The following SLC8A1 variants were observed in gnomAD, a reference collection of about 807,000 sequenced individuals.
SLC8A1 encodes solute carrier family 8 member A1, also known as sodium/calcium exchanger 1.
Under a neutral mutation model 68.3 loss-of-function variants are expected in SLC8A1, and 18 were observed. The ratio of observed to expected loss-of-function variants is 0.26; its 90% CI spans 0.18 to 0.39. The LOEUF is 0.39. Among genes scored for constraint, SLC8A1 ranks in the 10% least tolerant of loss-of-function variants. SLC8A1 has a pLI of 1.00. For missense variants in SLC8A1, 985 were observed against 1,156.7 expected (o/e 0.85, Z 2.15); for synonymous variants, 475 against 415.5 (o/e 1.14, Z -1.74).
intron 2 of SLC8A1, among the ~76,000 whole-genome samples, chr2:40,365,925 G>T (rs72939976): frequency 2.0e-5 from 3 of 151,310 alleles, no homozygotes; most frequent in Non-Finnish European, 4.4e-5. Flanking sequence ...AAGCCCAGGA[G>T]TTCAAAGCTT....
intron 2 of SLC8A1, among the ~76,000 whole-genome samples, chr2:40,184,577 C>T (rs376535): frequency 0.83 from 126,669 of 152,076 alleles, 53,679 homozygotes; most frequent in Non-Finnish European, 0.9. Context: ...TCTGGCGATA[C>T]GTTTTTACAC....
At chr2:40,254,238 T>C (rs2063497081) in intron 2 of SLC8A1, among the ~76,000 whole-genome samples, 1 of 152,086 alleles carries the variant, frequency 6.6e-6, no homozygotes, top group Non-Finnish European at 1.5e-5. Context: ...AAATTAAAAA[T>C]AGAAATGAGA....
At chr2:40,503,411 A>C (rs1706169155) in intron 1 of SLC8A1, among the ~76,000 whole-genome samples, 1 of 151,986 alleles carries the variant, frequency 6.6e-6, no homozygotes. Context: ...TCACACAATT[A>C]CACTGGTGTA....
At chr2:40,280,857 G>A (rs2067413774) in intron 2 of SLC8A1, among the ~76,000 whole-genome samples, 1 of 152,182 alleles carries the variant, frequency 6.6e-6, no homozygotes, top group African/African-American at 2.4e-5. Context: ...TTGTGCAAAA[G>A]CAGAGGTGGG....
chr2:40,352,800 C>A (rs1671515653), intron 2 of SLC8A1, among the ~76,000 whole-genome samples: 1 of 152,136 alleles, frequency 6.6e-6, no homozygotes, highest in African/African-American at 2.4e-5. Flanking sequence ...AAGTTAACAC[C>A]AGGATTCCAC....
chr2:40,501,546 C>T (rs553140242), intron 1 of SLC8A1, among the ~76,000 whole-genome samples: 124 of 152,186 alleles, frequency 8.1e-4, no homozygotes, highest in Non-Finnish European at 1.4e-3. Flanking sequence ...ATGCAATCTA[C>T]CTTTCTTTGG....
chr2:40,220,333 C>G (rs141409519), intron 2 of SLC8A1: 2 of 152,112 alleles, frequency 1.3e-5, no homozygotes, highest in South Asian at 2.1e-4. Context: ...TGACTTGGCT[C>G]TTTCACCTCT....
At chr2:40,177,984 T>A in intron 2 of SLC8A1, 1 of 661,294 alleles carries the variant, frequency 1.5e-6, no homozygotes, top group Admixed American at 2.4e-5. Flanking sequence ...CCTCCTGAAG[T>A]ATGTAAAAGG....
intron 2 of SLC8A1, among the ~76,000 whole-genome samples, chr2:40,324,161 G>A (rs1330454338): frequency 2.0e-5 from 3 of 152,120 alleles, no homozygotes; most frequent in African/African-American, 7.2e-5. Context: ...AGAAATCCAC[G>A]AGATTGAAAT....
intron 2 of SLC8A1, among the ~76,000 whole-genome samples, chr2:40,226,010 C>CT (rs577231187): frequency 1.1e-4 from 16 of 152,220 alleles, no homozygotes; most frequent in African/African-American, 3.6e-4. Flanking sequence ...AAACAATACT[C>CT]TTTTTTCTGC....
intron 3 of SLC8A1, among the ~76,000 whole-genome samples, 187 bp from the exon 5 acceptor site, chr2:40,175,029 C>T (rs62148761): frequency 0.051 from 7,725 of 152,060 alleles, 496 homozygotes; most frequent in African/African-American, 0.15. Flanking sequence ...ATTTAATGCA[C>T]AAATTTAATT....
intron 2 of SLC8A1, among the ~76,000 whole-genome samples, chr2:40,247,735 G>C (rs982646502): frequency 2.0e-5 from 3 of 152,152 alleles, no homozygotes; most frequent in Non-Finnish European, 4.4e-5. Flanking sequence ...TAACTTACAA[G>C]AGGAAAGGGA....
chr2:40,442,456 C>A (rs569443917), intron 1 of SLC8A1, among the ~76,000 whole-genome samples: 1 of 148,296 alleles, frequency 6.7e-6, no homozygotes, highest in African/African-American at 2.5e-5. Context: ...TATGAACAGA[C>A]GCTTATCAAA....
intron 2 of SLC8A1, among the ~76,000 whole-genome samples, chr2:40,336,058 G>A (rs570060792): frequency 6.6e-6 from 1 of 152,296 alleles, no homozygotes; most frequent in African/African-American, 2.4e-5. Context: ...AGTTCCTTAT[G>A]ATGTCATGCC....
At chr2:40,146,352 C>G (rs1410206001) in intron 6 of SLC8A1, among the ~76,000 whole-genome samples, 1 of 152,098 alleles carries the variant, frequency 6.6e-6, no homozygotes, top group African/African-American at 2.4e-5. Flanking sequence ...TTGGGGAACT[C>G]ATAATCTCAC....
chr2:40,341,532 G>C (rs1001529091), intron 2 of SLC8A1, among the ~76,000 whole-genome samples: 28 of 152,102 alleles, frequency 1.8e-4, no homozygotes, highest in African/African-American at 6.5e-4. Context: ...TCTTTCCTTG[G>C]CCTATCTTCT....
exon 8 of SLC8A1, chr2:40,099,518 C>G (rs1011184253): frequency 1.3e-5 from 2 of 152,036 alleles, no homozygotes. Context: ...AAGGTAACAT[C>G]TTTTTCTCTG....
chr2:40,328,922 T>C (rs1177277517), intron 2 of SLC8A1, among the ~76,000 whole-genome samples: 1 of 152,086 alleles, frequency 6.6e-6, no homozygotes, highest in African/African-American at 2.4e-5. Context: ...GTAGATTATG[T>C]CACTTGTCTG....
rs570251271 is a variant in SLC8A1, at chr2:40,238,347, G to C, written c.1809-60492C>G. 5.7e-4 allele frequency among the ~76,000 whole-genome samples: 87 copies of C among 152,316 alleles called. 1 individual carries two copies. Among genetic ancestry groups the C allele is most frequent in the African/African-American group, 1.9e-3 (77 of 41,568 alleles). Reference sequence around the variant, plus strand: ...AGCCCGTTGGAAAAGCGCAGTATTCGGGTGGGAGTGACCCGATTTTCCAGG... The same window carrying C: ...AGCCCGTTGGAAAAGCGCAGTATTCCGGTGGGAGTGACCCGATTTTCCAGG... On this transcript the variant is annotated intron_variant, in intron 2 of 7. Coordinates refer to ENST00000406785, the Ensembl canonical transcript of SLC8A1.
Sources: allele counts gnomAD v4.1 joint callset (sites outside exome capture counted in the v4.1 genomes callset), GRCh38; gene constraint gnomAD v4.1.1; transcripts MANE v1.5; gene names NCBI Gene and HGNC (gene_info 2026-07-23, HGNC 2026-07-21).